The following TG variants were observed in gnomAD, a reference collection of about 807,000 sequenced individuals.
TG encodes thyroglobulin, also known as thyroid hormones.
A neutral mutation model predicts 324.7 loss-of-function variants in TG; 270 were observed. That is an observed-to-expected ratio of 0.83 (90% CI 0.75 to 0.92). The LOEUF is 0.92. TG is among the 40% of genes least tolerant of loss of function. The pLI is 0.00. For missense variants in TG, 3,591 were observed against 3,456.4 expected, an observed-to-expected ratio of 1.04 and a Z score of -0.98; for synonymous variants, 1,401 against 1,327.0, an observed-to-expected ratio of 1.06 and a Z score of -1.21.
chr8:133,001,719 G>A (rs1229691485), intron 35 of TG: 3 of 984,656 alleles, frequency 3.0e-6, no homozygotes, highest in Non-Finnish European at 3.6e-6. Context: ...AGTGCCCTGT[G>A]GCCGTACAGG....
rs140827085 is a variant in TG, at chr8:132,874,116, G to A, written c.638+895G>A. 9.1e-3 allele frequency among the ~76,000 whole-genome samples: 1,379 copies of A among 152,252 alleles called. 39 individuals are homozygous for A. Among genetic ancestry groups the A allele is most frequent in the East Asian group, 0.087 (451 of 5,182 alleles). On this transcript the variant is annotated intron_variant, in intron 5 of 47. Coordinates refer to ENST00000220616, the MANE Select transcript of TG (RefSeq NM_003235.5). ...GAACCCAGGAGGCAGAGATTGCAGT[G>A]AGCCGAGATTGTGCCACTGCACTCT...
intron 27 of TG, among the ~76,000 whole-genome samples, chr8:132,955,608 T>C (rs937326631): frequency 1.3e-5 from 2 of 152,282 alleles, no homozygotes; most frequent in African/African-American, 2.4e-5. Flanking sequence ...AATATGTACC[T>C]ATTTCCAGCG....
Position 132,882,522 on chromosome 8 carries a change from C to T in TG, c.799C>T (p.Leu267Phe). The T allele has an allele frequency of 6.2e-7, 1 of 1,614,216 alleles. No homozygotes were observed. The highest frequency in any genetic ancestry group is 2.2e-5 in the East Asian group (1 of 44,880). ...TGACACCATTTTTGCTGGCCTGGAC[C>T]TTCCTTCCACCTTCACTGAAACCAC... ...IYDTIFAGLDLPSTFTETTLY... is the reference protein window; with the variant it reads ...IYDTIFAGLDFPSTFTETTLY... The change falls in exon 7 of 48, where the codon CTT becomes TTT. Residue 267 changes from leucine to phenylalanine, a missense_variant. Physicochemically the swap from Leu to Phe is conservative, Grantham distance 22. Transcript: ENST00000220616.
At chr8:133,123,456 G>A (rs1352732313) in intron 45 of TG, among the ~76,000 whole-genome samples, 2 of 151,096 alleles carry the variant, frequency 1.3e-5, no homozygotes, top group African/African-American at 4.8e-5. Context: ...AATGCCTCCT[G>A]TGTTCTCTCT....
chr8:132,905,480 C>G (rs1327416798), intron 16 of TG, among the ~76,000 whole-genome samples: 1 of 152,212 alleles, frequency 6.6e-6, no homozygotes, highest in African/African-American at 2.4e-5. Context: ...ATATTCCTTA[C>G]AGATTGCAGA....
intron 1 of TG, among the ~76,000 whole-genome samples, 191 bp from the exon 2 acceptor site, chr8:132,867,924 A>G (rs1402063317): frequency 6.6e-6 from 1 of 152,188 alleles, no homozygotes; most frequent in Non-Finnish European, 1.5e-5. Flanking sequence ...GTCACCTCTT[A>G]GGAGAATGTT....
chr8:133,027,570 A>G lies in TG; in HGVS notation c.7037-2251A>G, dbSNP rs530384658. The stretch of plus-strand genomic sequence containing the variant: ...GGACCCAGACTGATGAGATAGCCTC[A>G]TGGCCCATCTTAGAAGGTCAGGAAG... On this transcript the variant is annotated intron_variant, in intron 40 of 47. Coordinates refer to ENST00000220616, the MANE Select transcript of TG (RefSeq NM_003235.5). Among the ~76,000 whole-genome samples, 3 of 152,328 alleles carry G rather than the reference A, an allele frequency of 2.0e-5. No individual in the cohort carries two copies. In the East Asian group the frequency reaches 5.8e-4, roughly 29 times the overall value.
At chr8:133,059,823 C>G (rs1039540964) in intron 41 of TG, among the ~76,000 whole-genome samples, 1 of 152,188 alleles carries the variant, frequency 6.6e-6, no homozygotes, top group African/African-American at 2.4e-5. Flanking sequence ...CTCAGTCTCC[C>G]TATCTGGAAA....
chr8:133,025,439 A>G (rs1208072517), intron 40 of TG, among the ~76,000 whole-genome samples: 1 of 152,172 alleles, frequency 6.6e-6, no homozygotes, highest in Non-Finnish European at 1.5e-5. Context: ...ACCTGTTTTA[A>G]GTTTATAGAA....
chr8:132,982,383 A>G (rs1051371508), intron 34 of TG, among the ~76,000 whole-genome samples: 1 of 152,206 alleles, frequency 6.6e-6, no homozygotes, highest in Non-Finnish European at 1.5e-5. Context: ...GAAAAGAGTA[A>G]TGAAGATTTA....
In TG at chr8:132,886,648, G is replaced by A. The variant is rs1815465065; in HGVS notation, c.1276G>A (p.Val426Met). The A allele has an allele frequency of 6.2e-7, 1 of 1,614,194 alleles. No homozygotes were observed. The highest frequency in any genetic ancestry group is 8.5e-7 in the Non-Finnish European group (1 of 1,180,044). ...FVDSGLLRPM[V>M]EGQSQQFSVS... ...GGACTCTGGGCTTCTCCGCCCAATG[G>A]TGGAGGGACAGAGCCAACAGTTTTC... Residue 426 changes from valine (V) to methionine (M), a missense_variant, in exon 9 of 48, where the codon GTG becomes ATG. Val to Met is a conservative substitution (Grantham distance 21). Coordinates refer to ENST00000220616, the MANE Select transcript of TG (RefSeq NM_003235.5).
At chr8:133,014,761 C>A (rs751021622) in intron 37 of TG, among the ~76,000 whole-genome samples, 17 of 152,368 alleles carry the variant, frequency 1.1e-4, no homozygotes, top group Non-Finnish European at 2.2e-4. Context: ...TCAGCCTTAG[C>A]CTTCAGACCA....
In TG at chr8:132,997,699, T is replaced by C. The variant is rs533049290; in HGVS notation, c.6263-14202T>C. Reference sequence around the variant, plus strand: ...AGTAAAGAGGAAGGAAACTCAATAGTAGTGATTTGAGGAAGTAGAAACTAC... The same window carrying C: ...AGTAAAGAGGAAGGAAACTCAATAGCAGTGATTTGAGGAAGTAGAAACTAC... On this transcript the variant is annotated intron_variant, in intron 35 of 47. Coordinates refer to ENST00000220616, the MANE Select transcript of TG (RefSeq NM_003235.5). 2.0e-5 allele frequency among the ~76,000 whole-genome samples: 3 copies of C among 152,208 alleles called. No homozygotes were observed. In the South Asian group the frequency reaches 6.2e-4, roughly 32 times the overall value.
chr8:132,906,710 C>CAACG lies in TG; in HGVS notation c.3658_3661dup (p.Ala1221GlufsTer13). On this transcript the variant is annotated frameshift_variant, in exon 17 of 48. Coordinates refer to ENST00000220616, the MANE Select transcript of TG (RefSeq NM_003235.5). LOFTEE classifies it high-confidence loss of function. ...CAGGCCCGCGGTGTCCGCTGCCATT[C>CAACG]AACGCGTCGGAGGTGGTTGGTGGAA... The CAACG allele has an allele frequency of 6.2e-7, 1 of 1,614,192 alleles. No homozygotes were observed. Among genetic ancestry groups the CAACG allele is most frequent in the Non-Finnish European group, 8.5e-7 (1 of 1,180,046 alleles).
rs560770467 is a variant in TG, at chr8:132,911,556, C to A, written c.4159+23C>A. On this transcript the variant is annotated intron_variant, in intron 19 of 47. Transcript: ENST00000220616. ...TTGGTATGTTTTTCTGTGGTAGTACCTAGAATAAGCTATGCAGCCTCTCTG... is the reference window on the plus strand; with the variant it reads ...TTGGTATGTTTTTCTGTGGTAGTACATAGAATAAGCTATGCAGCCTCTCTG... 5 of 1,587,810 alleles carry A rather than the reference C, an allele frequency of 3.1e-6. No homozygotes were observed. The Admixed American group carries it at 5.0e-5, about 16-fold the overall frequency.
chr8:133,095,123 T>G lies in TG; in HGVS notation c.7319T>G (p.Val2440Gly). The change falls in exon 42 of 48, where the codon GTC becomes GGC. Residue 2440 changes from valine (V) to glycine (G), a missense_variant. Val to Gly is a moderately radical substitution (Grantham distance 109). Transcript: ENST00000220616. ...CAGGCAATTGCTTTGGCAAAGGAGG[T>G]CAGTTGCCCCATGTCATCCAGCCAA... ...QQQAIALAKE[V>G]SCPMSSSQEV... is the part of the protein sequence containing the mutation. The G allele has an allele frequency of 6.2e-7, 1 of 1,614,038 alleles. No individual in the cohort carries two copies. The highest frequency in any genetic ancestry group is 8.5e-7 in the Non-Finnish European group (1 of 1,180,016).
At chr8:133,105,560 A>T (rs1209094866) in intron 43 of TG, among the ~76,000 whole-genome samples, 1 of 152,184 alleles carries the variant, frequency 6.6e-6, no homozygotes, top group African/African-American at 2.4e-5. Context: ...TGACGAAGAT[A>T]AATTGTGCCT....
chr8:132,890,163 A>T (rs2132190577), intron 10 of TG, among the ~76,000 whole-genome samples: 1 of 152,192 alleles, frequency 6.6e-6, no homozygotes, highest in South Asian at 2.1e-4. Context: ...TGGATACAAG[A>T]TCATCCATTA....
At chr8:133,127,747 T>A (rs768214029) in intron 45 of TG, among the ~76,000 whole-genome samples, 3 of 152,174 alleles carry the variant, frequency 2.0e-5, no homozygotes, top group Non-Finnish European at 2.9e-5. Flanking sequence ...TAGCAGGACC[T>A]GTGAGGCCAG....
Sources: gnomAD v4.1 joint callset for allele counts (sites outside exome capture counted in the v4.1 genomes callset) on GRCh38, gnomAD v4.1.1 for gene constraint, MANE v1.5 for transcripts, NCBI Gene and HGNC (gene_info 2026-07-23, HGNC 2026-07-21) for gene names.